ADAMTS3: variants seen among roughly 807,000 people sequenced by gnomAD.
ADAMTS3 encodes the protein ADAM metallopeptidase with thrombospondin type 1 motif 3.
Under a neutral mutation model 129.0 loss-of-function variants are expected in ADAMTS3, and 73 were observed. That is an observed-to-expected ratio of 0.57 (90% CI 0.47 to 0.69). ADAMTS3 has a LOEUF of 0.69. Ranked by LOEUF, ADAMTS3 falls within the 30% of genes least tolerant of loss-of-function variation. The probability of loss-of-function intolerance (pLI) is 0.00; values close to 1 mark genes in which losing one functional copy is unlikely to be tolerated. For synonymous variants in ADAMTS3, 477 were observed against 510.8 expected, an observed-to-expected ratio of 0.93 and a Z score of 0.89; for missense variants, 1,457 against 1,514.5, an observed-to-expected ratio of 0.96 and a Z score of 0.63.
At chr4:72,484,310 CT>C (rs988614265) in intron 3 of ADAMTS3, among the ~76,000 whole-genome samples, 1 of 152,152 alleles carries the variant, frequency 6.6e-6, no homozygotes, top group Non-Finnish European at 1.5e-5. Flanking sequence ...AAATGCCTTC[CT>C]TTTTTCTTTT....
intron 21 of ADAMTS3, 52 bp from the exon 22 acceptor site, chr4:72,283,756 A>G: frequency 7.0e-7 from 1 of 1,436,464 alleles, no homozygotes; most frequent in Non-Finnish European, 9.2e-7. Context: ...ACATAAAATA[A>G]AAGGAGGAAA....
Position 72,414,956 on chromosome 4 carries a change from T to G in ADAMTS3, c.520A>C (p.Ser174Arg). The change falls in exon 4 of 22, where the codon AGT becomes CGT. Residue 174 changes from serine to arginine, a missense_variant. Physicochemically the swap from Ser to Arg is moderately radical, Grantham distance 110. Transcript: ENST00000286657. ...NCDGLAGMIK[S>R]DNEEYFIEPL... ...TCAATGAAATACTCTTCATTATCAC[T>G]TTTTATCATTCCAGCCTAGAGAAAG... The G allele has an allele frequency of 6.5e-7, 1 of 1,536,898 alleles. No homozygotes were observed. The highest frequency in any genetic ancestry group is 8.7e-7 in the Non-Finnish European group (1 of 1,147,402).
chr4:72,320,756 T>C lies in ADAMTS3; in HGVS notation c.1060A>G (p.Ile354Val). 2 of 1,613,888 alleles carry C rather than the reference T, an allele frequency of 1.2e-6. No individual in the cohort carries two copies. The highest frequency in any genetic ancestry group is 1.7e-6 in the Non-Finnish European group (2 of 1,179,862). The change falls in exon 7 of 22, where the codon ATT (isoleucine) becomes GTT (valine). Residue 354 changes from isoleucine (I) to valine (V), a missense_variant. Ile to Val is a conservative substitution (Grantham distance 29). Coordinates refer to ENST00000286657, the MANE Select transcript of ADAMTS3 (RefSeq NM_014243.3). ...CCAAAGTCTTGCCTGGTTAAAAAAA[T>C]TGCATGGTCATGGTGTTCAGAGTGG... ...LNHSEHHDHA[I>V]FLTRQDFGPA... is the part of the protein sequence containing the mutation.
intron 4 of ADAMTS3, among the ~76,000 whole-genome samples, chr4:72,405,750 G>A (rs138297824): frequency 1.3e-5 from 2 of 152,232 alleles, no homozygotes; most frequent in South Asian, 2.1e-4. Flanking sequence ...GACAATGGTT[G>A]TAATTTCTTC....
At chr4:72,310,938 C>A in intron 14 of ADAMTS3, 110 bp downstream of exon 14, 1 of 1,053,912 alleles carries the variant, frequency 9.5e-7, no homozygotes. Context: ...TAGACACTTA[C>A]TATAATGTGA....
chr4:72,300,187 T>C (rs928784598), intron 17 of ADAMTS3, among the ~76,000 whole-genome samples: 1 of 152,072 alleles, frequency 6.6e-6, no homozygotes, highest in Non-Finnish European at 1.5e-5. Flanking sequence ...TATCTAATTC[T>C]CTTTGCCCCA....
chr4:72,292,135 G>A (rs1467225971), intron 19 of ADAMTS3, among the ~76,000 whole-genome samples: 1 of 152,158 alleles, frequency 6.6e-6, no homozygotes, highest in East Asian at 1.9e-4. Flanking sequence ...TCTAATGGTT[G>A]CTAAGACACA....
chr4:72,459,015 T>C (rs1323675998), intron 3 of ADAMTS3, among the ~76,000 whole-genome samples: 1 of 151,730 alleles, frequency 6.6e-6, no homozygotes, highest in Admixed American at 6.6e-5. Flanking sequence ...AAAAAAACAA[T>C]TTTGTATACA....
chr4:72,312,141 T>A (rs1471882399), intron 13 of ADAMTS3, 150 bp downstream of exon 13: 1 of 751,174 alleles, frequency 1.3e-6, no homozygotes, highest in East Asian at 2.6e-5. Flanking sequence ...TTAAGCCTTA[T>A]TCTTAGAAAC....
At chr4:72,366,530 G>A (rs113474349) in intron 4 of ADAMTS3, among the ~76,000 whole-genome samples, 3,884 of 152,034 alleles carry the variant, frequency 0.026, 181 homozygotes, top group African/African-American at 0.089. Context: ...TGCTTTTTAG[G>A]GTTCCTTATA....
At chr4:72,352,167 T>C (rs760326516) in intron 4 of ADAMTS3, among the ~76,000 whole-genome samples, 19 of 152,036 alleles carry the variant, frequency 1.2e-4, no homozygotes, top group Non-Finnish European at 2.5e-4. Context: ...GAATGACATA[T>C]TTGAAAGGTT....
chr4:72,471,022 G>A lies in ADAMTS3; in HGVS notation c.505-56051C>T, dbSNP rs535526332. On this transcript the variant is annotated intron_variant, in intron 3 of 21. Transcript: ENST00000286657. ...TGCACAAATGTTTGAGGTGTGAGTC[G>A]AATGAGCCGTTTTTTCATGGAACAC... Among the ~76,000 whole-genome samples, 8 of 152,212 alleles carry A rather than the reference G, an allele frequency of 5.3e-5. No homozygotes were observed. The South Asian group carries it at 8.3e-4, about 16-fold the overall frequency.
At chr4:72,396,242 T>C (rs1247394512) in intron 4 of ADAMTS3, among the ~76,000 whole-genome samples, 1 of 151,814 alleles carries the variant, frequency 6.6e-6, no homozygotes, top group Non-Finnish European at 1.5e-5. Flanking sequence ...TAAAGAGAGG[T>C]AAGGTAAGGA....
intron 17 of ADAMTS3, among the ~76,000 whole-genome samples, chr4:72,302,314 A>G (rs1365363204): frequency 6.6e-6 from 1 of 152,164 alleles, no homozygotes; most frequent in Non-Finnish European, 1.5e-5. Context: ...AAAAAAAAAA[A>G]AAGAACCAAA....
At chr4:72,389,078 C>T (rs1294837439) in intron 4 of ADAMTS3, among the ~76,000 whole-genome samples, 1 of 152,120 alleles carries the variant, frequency 6.6e-6, no homozygotes, top group African/African-American at 2.4e-5. Flanking sequence ...TCAGTATCAC[C>T]CACACTGTTT....
intron 2 of ADAMTS3, among the ~76,000 whole-genome samples, chr4:72,551,826 C>T (rs993596705): frequency 6.6e-5 from 10 of 152,164 alleles, no homozygotes; most frequent in African/African-American, 1.4e-4. Flanking sequence ...CCTATGCTCT[C>T]GTTCACTTCT....
chr4:72,526,694 A>C (rs923345296), intron 3 of ADAMTS3, among the ~76,000 whole-genome samples: 6 of 143,648 alleles, frequency 4.2e-5, no homozygotes, highest in Non-Finnish European at 7.5e-5. Context: ...CTTTGTATAC[A>C]CTACACACAT....
At chr4:72,433,506 C>T (rs1722746122) in intron 3 of ADAMTS3, among the ~76,000 whole-genome samples, 1 of 151,916 alleles carries the variant, frequency 6.6e-6, no homozygotes, top group African/African-American at 2.4e-5. Context: ...TAAATAGCTA[C>T]ATTTGTTGAT....
intron 4 of ADAMTS3, among the ~76,000 whole-genome samples, chr4:72,343,926 G>A (rs1055326842): frequency 1.2e-4 from 19 of 152,022 alleles, no homozygotes; most frequent in African/African-American, 3.1e-4. Context: ...GAAAATGTAC[G>A]TTTTTGAAGG....
Sources: gnomAD v4.1 joint callset for allele counts (sites outside exome capture counted in the v4.1 genomes callset) on GRCh38, gnomAD v4.1.1 for gene constraint, MANE v1.5 for transcripts, NCBI Gene and HGNC (gene_info 2026-07-23, HGNC 2026-07-21) for gene names.